NEK1: variants seen among roughly 807,000 people sequenced by gnomAD.
The protein encoded by NEK1 is NIMA related kinase 1, also known as serine/threonine-protein kinase Nek1.
In NEK1, 137 loss-of-function variants were observed where a neutral mutation model predicts 182.1. The observed-to-expected ratio is 0.75, with a 90% confidence interval of 0.65 to 0.87. NEK1 has a LOEUF of 0.87. NEK1 is among the 40% of genes least tolerant of loss of function. NEK1 has a pLI of 0.00. For synonymous variants in NEK1, 513 were observed against 492.2 expected (o/e 1.04, Z -0.56); for missense variants, 1,391 against 1,494.4 (o/e 0.93, Z 1.14).
chr4:169,498,440 C>T (rs959456536), intron 23 of NEK1, among the ~76,000 whole-genome samples: 14 of 152,148 alleles, frequency 9.2e-5, no homozygotes, highest in Admixed American at 2.6e-4. Flanking sequence ...AATTTGATCC[C>T]TTCATTATGA....
chr4:169,476,579 A>G (rs1447652384), intron 26 of NEK1, among the ~76,000 whole-genome samples: 1 of 152,114 alleles, frequency 6.6e-6, no homozygotes, highest in Non-Finnish European at 1.5e-5. Flanking sequence ...TTAAAATCAG[A>G]TTTGTTGATG....
At chr4:169,507,631 T>C (rs1753526018) in intron 22 of NEK1, 84 bp downstream of exon 22, 1 of 932,438 alleles carries the variant, frequency 1.1e-6, no homozygotes, top group Non-Finnish European at 1.7e-6. Flanking sequence ...TAAAGTGATA[T>C]AACTATGCAA....
In NEK1 at chr4:169,420,361, A is replaced by G. The variant is rs80196682; in HGVS notation, c.3222+4192T>C. Among the ~76,000 whole-genome samples the G allele has an allele frequency of 2.6e-5, 4 of 152,270 alleles. No individual in the cohort carries two copies. The East Asian group carries it at 7.7e-4, about 29-fold the overall frequency. On this transcript the variant is annotated intron_variant, in intron 31 of 35. Coordinates refer to ENST00000507142, the MANE Select transcript of NEK1 (RefSeq NM_001199397.3). The stretch of plus-strand genomic sequence containing the variant: ...ACACTCCAAAATAATGATAAAAAGT[A>G]AAGTATTAAAAATACACAAACCAGG...
At chr4:169,418,399 A>G (rs746993137) in intron 31 of NEK1, among the ~76,000 whole-genome samples, 24 of 152,210 alleles carry the variant, frequency 1.6e-4, no homozygotes, top group Non-Finnish European at 3.1e-4. Flanking sequence ...AAGAATTATA[A>G]AACACACCCA....
chr4:169,515,337 G>C (rs1580386923), intron 19 of NEK1, among the ~76,000 whole-genome samples: 1 of 152,224 alleles, frequency 6.6e-6, no homozygotes, highest in African/African-American at 2.4e-5. Flanking sequence ...TATCCTTGCT[G>C]ATTTTCTGTC....
At chr4:169,548,485 C>A (rs889974193) in intron 18 of NEK1, among the ~76,000 whole-genome samples, 1 of 152,244 alleles carries the variant, frequency 6.6e-6, no homozygotes, top group African/African-American at 2.4e-5. Context: ...CTTATCAGAG[C>A]TCAAACTCTG....
intron 2 of NEK1, among the ~76,000 whole-genome samples, chr4:169,609,814 G>A (rs1274445572): frequency 6.6e-6 from 1 of 152,096 alleles, no homozygotes; most frequent in Non-Finnish European, 1.5e-5. Flanking sequence ...ATATCTGATA[G>A]AAATAGTAAG....
intron 10 of NEK1, among the ~76,000 whole-genome samples, chr4:169,581,785 A>G (rs1766698647): frequency 6.6e-6 from 1 of 152,192 alleles, no homozygotes; most frequent in East Asian, 1.9e-4. Flanking sequence ...CTTCATTATC[A>G]AAAGAAATTA....
chr4:169,417,008 T>A (rs1454970028), intron 31 of NEK1, among the ~76,000 whole-genome samples: 17 of 152,242 alleles, frequency 1.1e-4, no homozygotes, highest in Admixed American at 1.1e-3. Context: ...GAGTTTCCTG[T>A]ATGTGCTATA....
chr4:169,424,481 T>A lies in NEK1; in HGVS notation c.3222+72A>T, dbSNP rs72691049. On this transcript the variant is annotated intron_variant, in intron 31 of 35. Transcript: ENST00000507142. ...GTTAAGAGATTAAAACTCAATATTA[T>A]GGTTTATAAAAGAAAAACAATAATA... 78,220 of 1,456,176 alleles carry A rather than the reference T, an allele frequency of 0.054. 2,264 individuals carry two copies. Among genetic ancestry groups the A allele is most frequent in the African/African-American group, 0.072 (5,083 of 70,684 alleles). The allele number at this position is 1,456,176 out of a possible 1,614,324, so 90.2% of individuals were successfully genotyped here.
chr4:169,530,241 GAAAGA>G (rs1757466282), intron 19 of NEK1, among the ~76,000 whole-genome samples: 1 of 152,146 alleles, frequency 6.6e-6, no homozygotes, highest in African/African-American at 2.4e-5. Context: ...TACAGTGCAG[GAAAGA>G]AACCAGTCAC....
At position 169,577,054 on chromosome 4, in the gene NEK1, G is replaced by C. The variant is rs745526568; in HGVS notation, c.894C>G (p.Asn298Lys). Residue 298 changes from asparagine (N) to lysine (K), a missense_variant, in exon 12 of 36, where the codon AAC (asparagine) becomes AAG (lysine). Asn to Lys is a moderately conservative substitution (Grantham distance 94). Around this residue, in one of 5 missense-constraint regions of NEK1, gnomAD observed 1,216 missense variants for 1,277.6 expected, o/e 0.95. Transcript: ENST00000507142. ...IPAKRPASGQ[N>K]SISVMPAQKI... ...TCTGAGCAGGCATAACAGAAATCGAGTTTTGTCCTGAAGCTGGTCTTTTAG... is the reference window on the plus strand; with the variant it reads ...TCTGAGCAGGCATAACAGAAATCGACTTTTGTCCTGAAGCTGGTCTTTTAG... 5.6e-5 allele frequency: 90 copies of C among 1,613,550 alleles called. No homozygotes were observed. The South Asian group carries it at 9.3e-4, about 17-fold the overall frequency.
In NEK1 at chr4:169,573,097, G is replaced by A. The variant is rs916187067; in HGVS notation, c.1020+3831C>T. On this transcript the variant is annotated intron_variant, in intron 12 of 35. Coordinates refer to ENST00000507142, the MANE Select transcript of NEK1 (RefSeq NM_001199397.3). ...AAACTATAATGATGCAGGAGAGAGCGCAAAGTCCTTTAGCAGGCAAAAAAG... is the reference window on the plus strand; with the variant it reads ...AAACTATAATGATGCAGGAGAGAGCACAAAGTCCTTTAGCAGGCAAAAAAG... Among the ~76,000 whole-genome samples, 8 of 152,284 alleles carry A rather than the reference G, an allele frequency of 5.3e-5. No individual in the cohort carries two copies. In the East Asian group the frequency reaches 9.6e-4, roughly 18 times the overall value.
intron 2 of NEK1, among the ~76,000 whole-genome samples, chr4:169,608,443 G>A (rs1771759495): frequency 6.6e-6 from 1 of 152,150 alleles, no homozygotes; most frequent in African/African-American, 2.4e-5. Context: ...AATTCTAGAT[G>A]CTAAAATACT....
intron 31 of NEK1, among the ~76,000 whole-genome samples, chr4:169,421,197 A>C (rs1373374151): frequency 1.3e-5 from 2 of 152,188 alleles, no homozygotes; most frequent in African/African-American, 4.8e-5. Context: ...TGGAAATTTC[A>C]ACACTCCTTT....
chr4:169,508,663 A>T (rs1337226240), intron 20 of NEK1, 106 bp downstream of exon 20: 20 of 901,798 alleles, frequency 2.2e-5, no homozygotes, highest in Non-Finnish European at 3.1e-5. Flanking sequence ...CTACAGACCT[A>T]CAAAATCTTC....
intron 19 of NEK1, among the ~76,000 whole-genome samples, chr4:169,529,016 TA>T (rs1226604567): frequency 6.6e-6 from 1 of 152,198 alleles, no homozygotes; most frequent in Non-Finnish European, 1.5e-5. Flanking sequence ...TACTTTTACG[TA>T]ATCCATGGGC....
intron 19 of NEK1, among the ~76,000 whole-genome samples, 175 bp from the exon 20 acceptor site, chr4:169,509,027 G>C (rs538907814): frequency 2.0e-5 from 3 of 152,238 alleles, no homozygotes; most frequent in African/African-American, 7.2e-5. Flanking sequence ...TATATATTTA[G>C]TGAGAACAGA....
intron 18 of NEK1, among the ~76,000 whole-genome samples, chr4:169,550,817 C>T (rs2149884174): frequency 1.3e-5 from 2 of 152,302 alleles, no homozygotes; most frequent in Admixed American, 1.3e-4. Flanking sequence ...TGCCTTTTGA[C>T]ATTTCAGCAC....
Sources: allele counts gnomAD v4.1 joint callset (sites outside exome capture counted in the v4.1 genomes callset), GRCh38; gene constraint gnomAD v4.1.1; regional missense constraint gnomAD v4.1.1; transcripts MANE v1.5; gene names NCBI Gene and HGNC (gene_info 2026-07-23, HGNC 2026-07-21).